SAMD9: variants seen among roughly 807,000 people sequenced by gnomAD.
SAMD9 encodes sterile alpha motif domain containing 9.
SAMD9 carries 3 observed loss-of-function variants against 1.5 expected under a neutral mutation model. The ratio of observed to expected loss-of-function variants is 2.05; its 90% CI spans 0.93 to 5.29. The LOEUF is 5.29. Ranked by LOEUF, SAMD9 falls within the 30% of genes most tolerant of loss-of-function variation. The pLI is 0.02. For missense variants in SAMD9, 1,597 were observed against 1,820.8 expected, an observed-to-expected ratio of 0.88 and a Z score of 2.24; for synonymous variants, 635 against 631.9, an observed-to-expected ratio of 1.00 and a Z score of -0.07.
chr7:93,107,109 C>A (rs1010427865), intron 2 of SAMD9, among the ~76,000 whole-genome samples: 2 of 151,364 alleles, frequency 1.3e-5, no homozygotes, highest in Non-Finnish European at 2.9e-5. Flanking sequence ...GGCGCGATCT[C>A]GGCTCATTGC....
intron 2 of SAMD9, among the ~76,000 whole-genome samples, chr7:93,107,931 A>G (rs1394324866): frequency 6.6e-6 from 1 of 152,228 alleles, no homozygotes; most frequent in Non-Finnish European, 1.5e-5. Context: ...ATATCAAATT[A>G]TTTCTTACAA....
intron 2 of SAMD9, among the ~76,000 whole-genome samples, chr7:93,108,558 A>G (rs1179507345): frequency 6.6e-6 from 1 of 152,174 alleles, no homozygotes; most frequent in African/African-American, 2.4e-5. Flanking sequence ...TAGCCAAGGG[A>G]AGCCATGACT....
chr7:93,108,289 G>A (rs1280301624), intron 2 of SAMD9, among the ~76,000 whole-genome samples: 1 of 152,152 alleles, frequency 6.6e-6, no homozygotes, highest in African/African-American at 2.4e-5. Context: ...TGGACACAGT[G>A]TCACCTCCTC....
chr7:93,103,510 C>G lies in SAMD9; in HGVS notation c.2588G>C (p.Arg863Thr). 6.2e-7 allele frequency: 1 copy of G among 1,613,702 alleles called. No homozygotes were observed. The highest frequency in any genetic ancestry group is 2.2e-5 in the East Asian group (1 of 44,878). Residue 863 changes from arginine to threonine, a missense_variant, in exon 3 of 3, where the codon AGA becomes ACA. Physicochemically the swap from Arg to Thr is moderately conservative, Grantham distance 71. Coordinates refer to ENST00000379958, the MANE Select transcript of SAMD9 (RefSeq NM_017654.4). ...VIQQLSPKEQ[R>T]AFELKLKEIK... is the part of the protein sequence containing the mutation. ...TTCTTTCAATTTAAGCTCAAAAGCT[C>G]TCTGTTCTTTGGGAGAGAGTTGCTG...
chr7:93,112,191 C>A (rs953326216), intron 2 of SAMD9, among the ~76,000 whole-genome samples: 20 of 152,112 alleles, frequency 1.3e-4, no homozygotes, highest in African/African-American at 4.8e-4. Flanking sequence ...ATAAACAGAA[C>A]CAAAGACAAA....
In SAMD9 at chr7:93,103,688, G is replaced by A. The variant is rs1791577846; in HGVS notation, c.2410C>T (p.Gln804Ter). ...VLLLVDDFEE[Q>*]DNVYLLQYSI... ...TACTGCAGAAGATAGACATTATCTT[G>A]TTCTTCAAAATCATCAACAAGGAGT... Residue 804 changes from glutamine to a stop codon, truncating the protein, a stop_gained, in exon 3 of 3, where the codon CAA becomes TAA. Coordinates refer to ENST00000379958, the MANE Select transcript of SAMD9 (RefSeq NM_017654.4). LOFTEE classifies it low-confidence loss of function (END_TRUNC). The A allele has an allele frequency of 2.5e-6, 4 of 1,613,472 alleles. No homozygotes were observed. Among genetic ancestry groups the A allele is most frequent in the Non-Finnish European group, 3.4e-6 (4 of 1,179,580 alleles).
intron 2 of SAMD9, among the ~76,000 whole-genome samples, chr7:93,109,122 A>C (rs1791696249): frequency 6.6e-6 from 1 of 152,120 alleles, no homozygotes; most frequent in Admixed American, 6.5e-5. Context: ...AGGATCACAC[A>C]GCAAAATGTG....
rs889561142 is a variant in SAMD9, at chr7:93,102,928, G to A, written c.3170C>T (p.Ala1057Val). 2 of 1,613,732 alleles carry A rather than the reference G, an allele frequency of 1.2e-6. No individual in the cohort carries two copies. The highest frequency in any genetic ancestry group is 1.7e-6 in the Non-Finnish European group (2 of 1,179,824). ...TTCATTTCCTTCATCTTTATGTAAT[G>A]CTTCAATAAATGGGGAAAACCAATT... ...TGNWFSPFIE[A>V]LHKDEGNEAV... The change falls in exon 3 of 3, where the codon GCA (alanine) becomes GTA (valine). Residue 1057 changes from alanine (A) to valine (V), a missense_variant. Coordinates refer to ENST00000379958, the MANE Select transcript of SAMD9 (RefSeq NM_017654.4).
In SAMD9 at chr7:93,101,540, C is replaced by A. The variant is rs200178876; in HGVS notation, c.4558G>T (p.Glu1520Ter). The change falls in exon 3 of 3, where the codon GAG becomes TAG. Residue 1520 changes from glutamate (E) to a stop codon, truncating the protein, a stop_gained. Coordinates refer to ENST00000379958, the MANE Select transcript of SAMD9 (RefSeq NM_017654.4). LOFTEE classifies it low-confidence loss of function (END_TRUNC). Reference protein sequence around the residue: ...SLWQSGDVWKEEKVQELLLRL... With the variant: ...SLWQSGDVWK ...AGCAAAAGTTCTTGGACTTTTTCCT[C>A]CTTCCACACATCTCCACTCTGCCAC... The A allele has an allele frequency of 5.8e-5, 94 of 1,613,674 alleles. No individual in the cohort carries two copies. The highest frequency in any genetic ancestry group is 3.3e-4 in the Middle Eastern group (2 of 6,082).
Position 93,105,542 on chromosome 7 carries a change from C to T in SAMD9, c.556G>A (p.Gly186Arg), listed in dbSNP as rs377222750. 1.9e-6 allele frequency: 3 copies of T among 1,613,940 alleles called. No homozygotes were observed. In the African/African-American group the frequency reaches 4.0e-5, roughly 22 times the overall value. Residue 186 changes from glycine (G) to arginine (R), a missense_variant, in exon 3 of 3, where the codon GGA (glycine) becomes AGA (arginine). Gly to Arg is a moderately radical substitution (Grantham distance 125, BLOSUM62 -2). Transcript: ENST00000379958. ...KLDFSLQPET[G>R]PGNLIDPIHE... Reference sequence around the variant, plus strand: ...ATCGGATCAATGAGATTGCCTGGTCCTGTTTCAGGCTGTAGACTAAAATCC... The same window carrying T: ...ATCGGATCAATGAGATTGCCTGGTCTTGTTTCAGGCTGTAGACTAAAATCC...
At position 93,105,886 on chromosome 7, in the gene SAMD9, A is replaced by T. The variant is rs1791633520; in HGVS notation, c.212T>A (p.Phe71Tyr). ...HGPAIQIEEL[F>Y]KELRKTAIED... ...AATGGCTGTTTTCCGCAATTCTTTG[A>T]ATAGTTCTTCTATTTGAATAGCTGG... The change falls in exon 3 of 3, where the codon TTC becomes TAC. Residue 71 changes from phenylalanine to tyrosine, a missense_variant. By Grantham distance (22) the Phe-to-Tyr change is conservative. Around this residue, in one of 6 missense-constraint regions of SAMD9, gnomAD observed 498 missense variants for 457.4 expected, o/e 1.09. Transcript: ENST00000379958. The T allele has an allele frequency of 2.5e-6, 4 of 1,614,044 alleles. No homozygotes were observed. The highest frequency in any genetic ancestry group is 3.4e-6 in the Non-Finnish European group (4 of 1,179,986).
rs1203676260 is a variant in SAMD9 at position 93,114,816 on chromosome 7, C to T, written c.-30G>A. 5 of 152,140 alleles carry T rather than the reference C, an allele frequency of 3.3e-5. No homozygotes were observed. Among genetic ancestry groups the T allele is most frequent in the East Asian group, 1.9e-4 (1 of 5,188 alleles). The allele number at this position is 152,140 out of a possible 1,614,324, so 9.4% of individuals were successfully genotyped here. A position where few individuals can be genotyped will look rare whatever the true frequency, so the allele number is the denominator to read the frequency against. On this transcript the variant is annotated 5_prime_UTR_variant, in exon 2 of 3. Coordinates refer to ENST00000379958, the MANE Select transcript of SAMD9 (RefSeq NM_017654.4). ...TTACCAAACTGACTCTAGAAGAAAC[C>T]GAAGAAGTCTCACTTCCAGGGTGAT... is the stretch of plus-strand genomic sequence containing the variant.
chr7:93,102,454 G>T lies in SAMD9; in HGVS notation c.3644C>A (p.Pro1215His), dbSNP rs34229036. The T allele has an allele frequency of 3.7e-6, 6 of 1,613,384 alleles. No homozygotes were observed. Among genetic ancestry groups the T allele is most frequent in the Non-Finnish European group, 5.1e-6 (6 of 1,179,666 alleles). The change falls in exon 3 of 3, where the codon CCT (proline) becomes CAT (histidine). Residue 1215 changes from proline to histidine, a missense_variant. Physicochemically the swap from Pro to His is moderately conservative, Grantham distance 77. Around this residue, in one of 6 missense-constraint regions of SAMD9, gnomAD observed 682 missense variants for 810.0 expected, o/e 0.84. Transcript: ENST00000379958. ...LYTIQILQLI[P>H]FFDNKNELSK... The stretch of plus-strand genomic sequence containing the variant: ...TAGCTCATTTTTATTATCAAAAAAA[G>T]GAATGAGCTGGAGAATTTGGATTGT...
At chr7:93,111,681 T>G (rs1791746746) in intron 2 of SAMD9, among the ~76,000 whole-genome samples, 1 of 152,126 alleles carries the variant, frequency 6.6e-6, no homozygotes, top group Non-Finnish European at 1.5e-5. Flanking sequence ...TATAAACACC[T>G]CTATGCAAAT....
At chr7:93,113,589 A>G (rs1791783316) in intron 2 of SAMD9, among the ~76,000 whole-genome samples, 1 of 152,246 alleles carries the variant, frequency 6.6e-6, no homozygotes, top group African/African-American at 2.4e-5. Flanking sequence ...TCTATGAAGA[A>G]CTTAAATTTA....
Position 93,117,203 on chromosome 7 carries a change from G to A in SAMD9, c.-110+660C>T, listed in dbSNP as rs567326319. On this transcript the variant is annotated intron_variant, in intron 1 of 2. Transcript: ENST00000379958. ...AGAGTAGATGGTGGAAGTTGTATTT[G>A]ATTAAAGTAAAGTACTTTTAAGTTT... Among the ~76,000 whole-genome samples, 3 of 152,286 alleles carry A rather than the reference G, an allele frequency of 2.0e-5. No individual in the cohort carries two copies. The East Asian group carries it at 5.8e-4, about 29-fold the overall frequency.
chr7:93,113,951 A>G (rs1387250117), intron 2 of SAMD9, among the ~76,000 whole-genome samples: 1 of 152,176 alleles, frequency 6.6e-6, no homozygotes, highest in Non-Finnish European at 1.5e-5. Context: ...ATTACTGGGT[A>G]TATACCCAAA....
In SAMD9 at chr7:93,102,743, T is replaced by C; in HGVS notation, c.3355A>G (p.Ile1119Val). ...TAGACTTGACCCAGTGTATCTGAGA[T>C]ATAAGAATTGTCAGGTTCTATGATT... Reference protein sequence around the residue: ...AKIIEPDNSYISDTLGQVYKS... With the variant: ...AKIIEPDNSYVSDTLGQVYKS... The change falls in exon 3 of 3, where the codon ATC (isoleucine) becomes GTC (valine). Residue 1119 changes from isoleucine (I) to valine (V), a missense_variant. Physicochemically the swap from Ile to Val is conservative, Grantham distance 29. Coordinates refer to ENST00000379958, the MANE Select transcript of SAMD9 (RefSeq NM_017654.4). The C allele has an allele frequency of 6.2e-7, 1 of 1,613,886 alleles. No homozygotes were observed. Among genetic ancestry groups the C allele is most frequent in the Non-Finnish European group, 8.5e-7 (1 of 1,179,766 alleles).
Position 93,106,035 on chromosome 7 carries a change from C to T in SAMD9, c.63G>A (p.Gln21=). 1 of 1,590,682 alleles carries T rather than the reference C, an allele frequency of 6.3e-7. No individual in the cohort carries two copies. The highest frequency in any genetic ancestry group is 1.2e-5 in the South Asian group (1 of 85,948). ...TDDWTKEDVN[Q]WLESHKIDQK... ...GGTCAATCTTATGACTTTCTAACCA[C>T]TGATTTACATCCTCTTTTGTCCAAT... The change falls in exon 3 of 3, where the codon CAG becomes CAA. Residue 21 remains glutamine (Q), a synonymous_variant. Transcript: ENST00000379958.
Sources: gnomAD v4.1 joint callset for allele counts (sites outside exome capture counted in the v4.1 genomes callset) on GRCh38, gnomAD v4.1.1 for gene constraint, gnomAD v4.1.1 regional missense constraint, MANE v1.5 for transcripts, NCBI Gene and HGNC (gene_info 2026-07-23, HGNC 2026-07-21) for gene names.